The following RINT1 variants were observed in gnomAD, a reference collection of about 807,000 sequenced individuals.
The protein encoded by RINT1 is RAD50 interactor 1, also known as RAD50-interacting protein 1.
Under a neutral mutation model 97.7 loss-of-function variants are expected in RINT1, and 75 were observed. That is an observed-to-expected ratio of 0.77 (90% CI 0.64 to 0.93). The LOEUF is 0.93. Among genes scored for constraint, RINT1 ranks in the 40% least tolerant of loss-of-function variants. The pLI is 0.00. For synonymous variants in RINT1, 303 were observed against 326.3 expected (o/e 0.93, Z 0.77); for missense variants, 892 against 925.2 (o/e 0.96, Z 0.47).
At chr7:105,558,582 G>A (rs1791292076) in intron 11 of RINT1, among the ~76,000 whole-genome samples, 1 of 152,260 alleles carries the variant, frequency 6.6e-6, no homozygotes. Flanking sequence ...TCCCAACTCT[G>A]GGAAGCCAAG....
chr7:105,552,818 C>T lies in RINT1; in HGVS notation c.1471+1111C>T, dbSNP rs189334922. On this transcript the variant is annotated intron_variant, in intron 10 of 14. Transcript: ENST00000257700. Reference sequence around the variant, plus strand: ...CCTCCCAAGTAGCTGGGATTATAGGCACCTGCTGCCACGCCCAGCTAATTT... The same window carrying T: ...CCTCCCAAGTAGCTGGGATTATAGGTACCTGCTGCCACGCCCAGCTAATTT... Among the ~76,000 whole-genome samples the T allele has an allele frequency of 8.0e-3, 1,216 of 151,654 alleles. 19 individuals are homozygous for T. The highest frequency in any genetic ancestry group is 8.4e-3 in the Non-Finnish European group (573 of 67,898).
chr7:105,554,092 G>T (rs1402154038), intron 10 of RINT1, among the ~76,000 whole-genome samples: 8 of 151,746 alleles, frequency 5.3e-5, no homozygotes, highest in Admixed American at 4.6e-4. Context: ...TAGAGATGGG[G>T]TTTCACCGTG....
rs1258526855 is a variant in RINT1, at chr7:105,567,499, A to G, written c.*188A>G. The G allele has an allele frequency of 1.4e-6, 1 of 698,372 alleles. No homozygotes were observed. Among genetic ancestry groups the G allele is most frequent in the East Asian group, 2.7e-5 (1 of 37,224 alleles). 43.3% of individuals were successfully genotyped at this position (698,372 alleles called of 1,614,324 possible). On this transcript the variant is annotated 3_prime_UTR_variant, in exon 15 of 15. Transcript: ENST00000257700. ...CCTTCATCCTCTTGTTCCTAAGGAA[A>G]CAAAAACAGAAAACGAAACAATGAA...
chr7:105,548,661 G>A lies in RINT1; in HGVS notation c.947G>A (p.Arg316Lys). 6.2e-7 allele frequency: 1 copy of A among 1,614,158 alleles called. No individual in the cohort carries two copies. Among genetic ancestry groups the A allele is most frequent in the Non-Finnish European group, 8.5e-7 (1 of 1,180,020 alleles). The change falls in exon 7 of 15, where the codon AGG (arginine) becomes AAG (lysine). Residue 316 changes from arginine (R) to lysine (K), a missense_variant. By Grantham distance (26) the Arg-to-Lys change is conservative. Transcript: ENST00000257700. ...IQVMLTPLQKRFRYHFRGNRQ... is the reference protein window; with the variant it reads ...IQVMLTPLQKKFRYHFRGNRQ... Reference sequence around the variant, plus strand: ...GTTATGCTGACTCCTCTTCAGAAGAGGTTCAGGTATCACTTCAGAGGGAAC... The same window carrying A: ...GTTATGCTGACTCCTCTTCAGAAGAAGTTCAGGTATCACTTCAGAGGGAAC...
chr7:105,536,868 A>G, intron 3 of RINT1, 119 bp downstream of exon 3: 1 of 509,248 alleles, frequency 2.0e-6, no homozygotes, highest in Non-Finnish European at 3.0e-6. Context: ...AGTCTATTAT[A>G]TACTGTTTAA....
intron 1 of RINT1, 120 bp from the exon 2 acceptor site, chr7:105,532,704 A>G: frequency 1.8e-6 from 2 of 1,097,504 alleles, no homozygotes; most frequent in South Asian, 2.5e-5. Flanking sequence ...CTGGTCGCTC[A>G]GAAAGTGGGA....
At position 105,550,265 on chromosome 7, in the gene RINT1, A is replaced by G; in HGVS notation, c.1112A>G (p.Glu371Gly). 1 of 1,613,674 alleles carries G rather than the reference A, an allele frequency of 6.2e-7. No homozygotes were observed. The highest frequency in any genetic ancestry group is 8.5e-7 in the Non-Finnish European group (1 of 1,179,848). The part of the protein sequence containing the change: ...KVGSLVNARL[E>G]FSRGLMMLVL... ...CATGTTTGTGTATTTTTTTAGCTTG[A>G]ATTTTCTCGGGGCCTTATGATGCTG... The change falls in exon 9 of 15, where the codon GAA (glutamate) becomes GGA (glycine). Residue 371 changes from glutamate to glycine, a missense_variant. Physicochemically the swap from Glu to Gly is moderately conservative, Grantham distance 98 (BLOSUM62 -2). Coordinates refer to ENST00000257700, the MANE Select transcript of RINT1 (RefSeq NM_021930.6).
intron 12 of RINT1, among the ~76,000 whole-genome samples, chr7:105,564,298 G>T (rs1791587231): frequency 6.6e-6 from 1 of 152,124 alleles, no homozygotes; most frequent in Non-Finnish European, 1.5e-5. Flanking sequence ...TTTTGGGCAG[G>T]CTGATCTCCA....
chr7:105,543,857 G>C (rs757056950), intron 4 of RINT1, among the ~76,000 whole-genome samples: 1 of 151,886 alleles, frequency 6.6e-6, no homozygotes, highest in Admixed American at 6.6e-5. Flanking sequence ...TTGGGAGGCC[G>C]AGGCGGGCAG....
chr7:105,544,095 C>T (rs1405371196), intron 4 of RINT1, among the ~76,000 whole-genome samples: 1 of 150,218 alleles, frequency 6.7e-6, no homozygotes, highest in African/African-American at 2.5e-5. Flanking sequence ...AGCGAAACTC[C>T]GTCTCAAAAA....
Position 105,567,294 on chromosome 7 carries a change from C to T in RINT1, c.2362C>T (p.Pro788Ser), listed in dbSNP as rs1060503046. 6.3e-7 allele frequency: 1 copy of T among 1,595,708 alleles called. No homozygotes were observed. The highest frequency in any genetic ancestry group is 8.5e-7 in the Non-Finnish European group (1 of 1,172,300). ...EILLNLRTNW[P>S]NTGK ...TCTACTTAATTTGAGGACAAATTGG[C>T]CTAATACTGGAAAATAATGTCTTTC... Residue 788 changes from proline to serine, a missense_variant, in exon 15 of 15, where the codon CCT becomes TCT. Pro to Ser is a moderately conservative substitution (Grantham distance 74, BLOSUM62 -1). Coordinates refer to ENST00000257700, the MANE Select transcript of RINT1 (RefSeq NM_021930.6).
intron 14 of RINT1, 46 bp downstream of exon 14, chr7:105,565,694 C>T (rs375089303): frequency 1.0e-4 from 130 of 1,292,430 alleles, no homozygotes; most frequent in Non-Finnish European, 1.2e-4. Flanking sequence ...CAAATTGTTA[C>T]AGGAGGCTAA....
At chr7:105,536,136 A>G (rs1229645830) in intron 2 of RINT1, among the ~76,000 whole-genome samples, 1 of 152,028 alleles carries the variant, frequency 6.6e-6, no homozygotes, top group Admixed American at 6.6e-5. Context: ...TCTGTCGCCC[A>G]GGCTGGAGTG....
At chr7:105,542,978 G>C (rs960644629) in intron 4 of RINT1, among the ~76,000 whole-genome samples, 4 of 151,390 alleles carry the variant, frequency 2.6e-5, no homozygotes, top group Non-Finnish European at 5.9e-5. Context: ...TACACCTCCC[G>C]GGTTCATGCC....
In RINT1 at chr7:105,548,605, T is replaced by C. The variant is rs562321894; in HGVS notation, c.891T>C (p.Pro297=). 5.6e-6 allele frequency: 9 copies of C among 1,614,172 alleles called. No homozygotes were observed. In the East Asian group the frequency reaches 2.0e-4, roughly 36 times the overall value. The change falls in exon 7 of 15, where the codon CCT becomes CCC. Residue 297 remains proline (P), a synonymous_variant. Coordinates refer to ENST00000257700, the MANE Select transcript of RINT1 (RefSeq NM_021930.6). ...AACTCCCAGAAAAATACTCTCTTCC[T>C]GCCTCCCCTTCTGTCATCCTGCCCA... The part of the protein sequence containing the change: ...PKQLPEKYSL[P]ASPSVILPIQ...
intron 11 of RINT1, among the ~76,000 whole-genome samples, chr7:105,562,246 C>T (rs1001512022): frequency 9.9e-5 from 15 of 152,128 alleles, no homozygotes; most frequent in African/African-American, 2.7e-4. Flanking sequence ...ATGGCAGTTC[C>T]GCAAACTGTT....
At chr7:105,551,119 C>G (rs1790906806) in intron 9 of RINT1, among the ~76,000 whole-genome samples, 1 of 152,160 alleles carries the variant, frequency 6.6e-6, no homozygotes, top group Non-Finnish European at 1.5e-5. Flanking sequence ...GCCTCGACCT[C>G]TGGGGCTCAG....
At chr7:105,558,448 T>C (rs1791284074) in intron 11 of RINT1, among the ~76,000 whole-genome samples, 1 of 152,236 alleles carries the variant, frequency 6.6e-6, no homozygotes, top group Non-Finnish European at 1.5e-5. Flanking sequence ...CAAATTGTTA[T>C]TCTTGATTCT....
At chr7:105,554,804 A>T (rs985762263) in intron 10 of RINT1, among the ~76,000 whole-genome samples, 2 of 152,218 alleles carry the variant, frequency 1.3e-5, no homozygotes, top group Non-Finnish European at 2.9e-5. Context: ...TATAGTTTAC[A>T]TACAGTGTAA....
Sources: gnomAD v4.1 joint callset for allele counts (sites outside exome capture counted in the v4.1 genomes callset) on GRCh38, gnomAD v4.1.1 for gene constraint, MANE v1.5 for transcripts, NCBI Gene and HGNC (gene_info 2026-07-23, HGNC 2026-07-21) for gene names.